Variants in CCNK observed in about 807,000 individuals in gnomAD.
CCNK encodes cyclin K.
In CCNK, 9 loss-of-function variants were observed where a neutral mutation model predicts 65.0. The ratio of observed to expected loss-of-function variants is 0.14; its 90% confidence interval spans 0.08 to 0.24. CCNK has a LOEUF of 0.24. Among genes scored for constraint, CCNK ranks in the 10% least tolerant of loss-of-function variants. CCNK has a pLI of 1.00. For synonymous variants in CCNK, 279 were observed against 270.8 expected (o/e 1.03, Z -0.30); for missense variants, 474 against 720.0 (o/e 0.66, Z 3.91).
chr14:99,486,147 C>T (rs554121507), intron 1 of CCNK, among the ~76,000 whole-genome samples: 1 of 152,230 alleles, frequency 6.6e-6, no homozygotes, highest in South Asian at 2.1e-4. Context: ...GTTCCTTGTC[C>T]TTTAACTTTT....
At chr14:99,489,560 C>T (rs1555365868) in intron 1 of CCNK, among the ~76,000 whole-genome samples, 2 of 152,112 alleles carry the variant, frequency 1.3e-5, no homozygotes, top group Non-Finnish European at 2.9e-5. Context: ...AATAAATAAA[C>T]AAATAAATAA....
intron 4 of CCNK, 129 bp from the exon 5 acceptor site, chr14:99,500,633 GAGAA>G: frequency 1.5e-6 from 1 of 668,606 alleles, no homozygotes; most frequent in Non-Finnish European, 2.7e-6. Context: ...CTGAGTGGGA[GAGAA>G]AGGAAGGAAA....
Position 99,501,200 on chromosome 14 carries a change from A to T in CCNK, c.518-156A>T, listed in dbSNP as rs1221513005. 5 of 639,494 alleles carry T rather than the reference A, an allele frequency of 7.8e-6. No individual in the cohort carries two copies. In the East Asian group the frequency reaches 1.1e-4, roughly 14 times the overall value. 39.6% of individuals were successfully genotyped at this position (639,494 alleles called of 1,614,324 possible). A position where few individuals can be genotyped will look rare whatever the true frequency, so the allele number is the denominator to read the frequency against. On this transcript the variant is annotated intron_variant, in intron 5 of 10. Coordinates refer to ENST00000389879, the MANE Select transcript of CCNK (RefSeq NM_001099402.2). ...GTCATGAGGAGGAAGAAGGGGTAGG[A>T]TGTGGACCCACATCATTCATCCTTG...
chr14:99,496,228 A>G (rs1235105768), intron 4 of CCNK, among the ~76,000 whole-genome samples: 1 of 151,938 alleles, frequency 6.6e-6, no homozygotes. Context: ...GTGTTCCTCC[A>G]CTCCCATTCG....
intron 1 of CCNK, among the ~76,000 whole-genome samples, chr14:99,490,627 T>TA (rs1056355401): frequency 6.6e-6 from 1 of 152,090 alleles, no homozygotes; most frequent in African/African-American, 2.4e-5. Flanking sequence ...TGAATTACTT[T>TA]AAAAAAATAG....
In CCNK at chr14:99,486,169, G is replaced by A. The variant is rs556364422; in HGVS notation, c.-53+4690G>A. Among the ~76,000 whole-genome samples, 6 of 152,190 alleles carry A rather than the reference G, an allele frequency of 3.9e-5. No individual in the cohort carries two copies. The East Asian group carries it at 7.7e-4, about 20-fold the overall frequency. On this transcript the variant is annotated intron_variant, in intron 1 of 10. Coordinates refer to ENST00000389879, the MANE Select transcript of CCNK (RefSeq NM_001099402.2). ...GTCCTTTAACTTTTCTTTAGCATTT[G>A]TCACTGTTGACTACCATCTCTGGTT...
rs1257261827 is a variant in CCNK at position 99,509,197 on chromosome 14, CCTCT to C, written c.1118-957_1118-954del. The C allele has an allele frequency of 7.9e-5, 12 of 152,378 alleles. No individual in the cohort carries two copies. The East Asian group carries it at 9.6e-4, about 12-fold the overall frequency. The allele number at this position is 152,378 out of a possible 1,614,324, so 9.4% of individuals were successfully genotyped here. A position where few individuals can be genotyped will look rare whatever the true frequency, so the allele number is the denominator to read the frequency against. On this transcript the variant is annotated intron_variant, in intron 10 of 10. Coordinates refer to ENST00000389879, the MANE Select transcript of CCNK (RefSeq NM_001099402.2). The stretch of plus-strand genomic sequence containing the variant: ...ACCAGAAGCATCTTCGTGGCTTTGT[CCTCT>C]CTATGTTCTCTGGAACCAGAAATGT...
chr14:99,493,394 C>T (rs1292002503), intron 2 of CCNK, 120 bp from the exon 3 acceptor site: 4 of 577,814 alleles, frequency 6.9e-6, no homozygotes, highest in Non-Finnish European at 1.2e-5. Context: ...TACTTTGCCA[C>T]TAATATTGTT....
intron 10 of CCNK, chr14:99,508,926 A>G (rs1897043007): frequency 1.3e-5 from 2 of 152,266 alleles, no homozygotes; most frequent in Admixed American, 6.5e-5. Context: ...GTCAGCTCCT[A>G]GAACCACAGG....
At chr14:99,483,071 C>T (rs901603679) in intron 1 of CCNK, among the ~76,000 whole-genome samples, 5 of 152,160 alleles carry the variant, frequency 3.3e-5, no homozygotes, top group African/African-American at 1.2e-4. Flanking sequence ...CCTAAAAGTA[C>T]AGTTAATGAT....
chr14:99,507,095 C>T lies in CCNK; in HGVS notation c.1065C>T (p.Ile355=). ...TTGTAGAACCACCACCACCTAAAAT[C>T]CCCAAAATTGAGACCACTCATCCAC... The part of the protein sequence containing the change: ...NKAAEPPPPK[I]PKIETTHPPL... The change falls in exon 10 of 11, where the codon ATC becomes ATT. Residue 355 remains isoleucine (I), a synonymous_variant. Coordinates refer to ENST00000389879, the MANE Select transcript of CCNK (RefSeq NM_001099402.2). 1.9e-6 allele frequency: 3 copies of T among 1,610,712 alleles called. 1 individual carries two copies. The South Asian group carries it at 3.3e-5, about 18-fold the overall frequency.
At chr14:99,503,685 A>G in intron 9 of CCNK, 41 bp downstream of exon 9, 1 of 1,501,706 alleles carries the variant, frequency 6.7e-7, no homozygotes, top group Non-Finnish European at 9.0e-7. Context: ...TTATGTGTTT[A>G]TATGCAAAAC....
Position 99,512,379 on chromosome 14 carries a change from A to T in CCNK, c.*1597A>T, listed in dbSNP as rs1049131625. The T allele has an allele frequency of 3.9e-5, 6 of 152,110 alleles. No homozygotes were observed. The highest frequency in any genetic ancestry group is 1.4e-4 in the African/African-American group (6 of 41,398). 9.4% of individuals were successfully genotyped at this position (152,110 alleles called of 1,614,324 possible). On this transcript the variant is annotated 3_prime_UTR_variant, in exon 11 of 11. Transcript: ENST00000389879. ...CAGCACAAATACTTTGCCCCACAGT[A>T]TGAAAAATATACACCTCTACCGCTC...
intron 1 of CCNK, among the ~76,000 whole-genome samples, chr14:99,490,036 C>G (rs977370893): frequency 1.3e-5 from 2 of 152,176 alleles, no homozygotes; most frequent in African/African-American, 4.8e-5. Context: ...GTAGATGAAA[C>G]TTGAAGGAGA....
Position 99,510,831 on chromosome 14 carries a change from A to T in CCNK, c.*49A>T, listed in dbSNP as rs779768159. ...TTTTTTTAACAAGATTTTCTAATCG[A>T]CTTGCAGAGTAGTTGAAGTGGGTAA... On this transcript the variant is annotated 3_prime_UTR_variant, in exon 11 of 11. Transcript: ENST00000389879. The T allele has an allele frequency of 1.9e-5, 26 of 1,375,326 alleles. No individual in the cohort carries two copies. The East Asian group carries it at 6.3e-4, about 33-fold the overall frequency. 85.2% of individuals were successfully genotyped at this position (1,375,326 alleles called of 1,614,324 possible).
intron 4 of CCNK, among the ~76,000 whole-genome samples, chr14:99,499,781 G>T (rs1595313463): frequency 6.6e-6 from 1 of 152,206 alleles, no homozygotes; most frequent in Admixed American, 6.5e-5. Context: ...CGTTAGTGGG[G>T]TGGAAAGGAC....
rs919228841 is a variant in CCNK, at chr14:99,503,517, G to A, written c.1012-94G>A. The A allele has an allele frequency of 1.3e-5, 14 of 1,077,542 alleles. No homozygotes were observed. The African/African-American group carries it at 1.6e-4, about 12-fold the overall frequency. 66.7% of individuals were successfully genotyped at this position (1,077,542 alleles called of 1,614,324 possible). On this transcript the variant is annotated intron_variant, in intron 8 of 10. Transcript: ENST00000389879. ...TTGTCCGAGGCTGTTCACAGTGACTGCCGTCGCTGATTCTGGTGGTACCTG... is the reference window on the plus strand; with the variant it reads ...TTGTCCGAGGCTGTTCACAGTGACTACCGTCGCTGATTCTGGTGGTACCTG...
At chr14:99,482,793 T>C (rs3918042) in intron 1 of CCNK, among the ~76,000 whole-genome samples, 1 of 152,174 alleles carries the variant, frequency 6.6e-6, no homozygotes, top group East Asian at 1.9e-4. Flanking sequence ...TAAAGAAAAA[T>C]TGGTCATAGC....
chr14:99,507,414 A>T, intron 10 of CCNK: 1 of 448,548 alleles, frequency 2.2e-6, no homozygotes, highest in East Asian at 4.3e-5. Context: ...CTGTCTAAAA[A>T]ATTAGCCAGG....
Sources: gnomAD v4.1 joint callset for allele counts (sites outside exome capture counted in the v4.1 genomes callset) on GRCh38, gnomAD v4.1.1 for gene constraint, MANE v1.5 for transcripts, NCBI Gene and HGNC (gene_info 2026-07-23, HGNC 2026-07-21) for gene names.